The following PLIN5 variants were observed in gnomAD, a reference collection of about 807,000 sequenced individuals.
PLIN5 encodes the protein perilipin-5.
PLIN5 carries 34 observed loss-of-function variants against 32.8 expected under a neutral mutation model. That is an observed-to-expected ratio of 1.04 (90% confidence interval 0.79 to 1.38). The LOEUF (loss-of-function observed/expected upper bound fraction) is 1.38. Among genes scored for constraint, PLIN5 ranks in the 40% most tolerant of loss-of-function variants. The pLI, the probability that PLIN5 is intolerant of heterozygous loss-of-function variation, is 0.00. For missense variants in PLIN5, 712 were observed against 660.5 expected (o/e 1.08, Z -0.85); for synonymous variants, 309 against 292.9 (o/e 1.05, Z -0.56).
In PLIN5 at chr19:4,533,851, C is replaced by T. The variant is rs561315856; in HGVS notation, c.60+164G>A. The T allele has an allele frequency of 6.2e-4, 468 of 758,632 alleles. 4 individuals are homozygous for T. In the South Asian group the frequency reaches 8.2e-3, roughly 13 times the overall value. 47.0% of individuals were successfully genotyped at this position (758,632 alleles called of 1,614,324 possible). A position where few individuals can be genotyped will look rare whatever the true frequency, so the allele number is the denominator to read the frequency against. On this transcript the variant is annotated intron_variant, in intron 2 of 7. Coordinates refer to ENST00000381848, the MANE Select transcript of PLIN5 (RefSeq NM_001013706.3). ...CCCTCCCAGGGCCTCATTAAGCCCC[C>T]ACTAGGAAATAGACCATCCCCTCCA...
At chr19:4,526,788 T>C (rs541607662) in intron 5 of PLIN5, among the ~76,000 whole-genome samples, 80 of 151,148 alleles carry the variant, frequency 5.3e-4, no homozygotes, top group Non-Finnish European at 7.6e-4. Context: ...AGCTCAGGAA[T>C]TGAAGGCTAT....
In PLIN5 at chr19:4,534,103, G is replaced by A. The variant is rs368222805; in HGVS notation, c.-21-8C>T. ...GCTGCAAACAGGGTCACCCTGCGGG[G>A]CAGGATTGAGTAAGGGGAGCACCTG... On this transcript the variant is annotated splice_polypyrimidine_tract_variant and splice_region_variant and intron_variant, in intron 1 of 7. Coordinates refer to ENST00000381848, the MANE Select transcript of PLIN5 (RefSeq NM_001013706.3). 7.9e-5 allele frequency: 126 copies of A among 1,602,342 alleles called. No individual in the cohort carries two copies. The highest frequency in any genetic ancestry group is 9.4e-5 in the Non-Finnish European group (111 of 1,174,794).
chr19:4,532,630 G>A (rs567962305), intron 2 of PLIN5: 9 of 152,302 alleles, frequency 5.9e-5, no homozygotes, highest in African/African-American at 2.2e-4. Flanking sequence ...GCCTCCCAAA[G>A]TGCTAGGATT....
chr19:4,524,067 C>A lies in PLIN5; in HGVS notation c.853G>T (p.Val285Leu). ...RRSQAELETL[V>L]LSRSLTQELQ... ...TCCTGGGTCAGGCTGCGGGACAGCA[C>A]CAGCGTCTCCAGCTCTGCCTGCAGG... The change falls in exon 8 of 8, where the codon GTG (valine) becomes TTG (leucine). Residue 285 changes from valine to leucine, a missense_variant. Transcript: ENST00000381848. 7.0e-7 allele frequency: 1 copy of A among 1,438,372 alleles called. No homozygotes were observed. 89.1% of individuals were successfully genotyped at this position (1,438,372 alleles called of 1,614,324 possible).
chr19:4,529,008 T>TCAGGGGATCAGATCCC, intron 5 of PLIN5, 65 bp downstream of exon 5: 1 of 1,533,002 alleles, frequency 6.5e-7, no homozygotes. Context: ...ACCTCTCTGA[T>TCAGGGGATCAGATCCC]CTGTACCACA....
chr19:4,527,941 G>A (rs953825122), intron 5 of PLIN5, among the ~76,000 whole-genome samples: 19 of 148,948 alleles, frequency 1.3e-4, no homozygotes, highest in East Asian at 9.8e-4. Context: ...ATAGAGTCTC[G>A]CTCTGTCACC....
rs1976780690 is a variant in PLIN5 at position 4,524,953 on chromosome 19, G to A, written c.834+10C>T. ...AGACACCACCTCACCTGGCACTCCT[G>A]CGGTCTCACCTGGCTCCGGCGGCGG... is the stretch of plus-strand genomic sequence containing the variant. On this transcript the variant is annotated intron_variant, in intron 7 of 7. Transcript: ENST00000381848. The A allele has an allele frequency of 1.4e-5, 21 of 1,529,718 alleles. No homozygotes were observed. Among genetic ancestry groups the A allele is most frequent in the Non-Finnish European group, 1.8e-5 (21 of 1,138,244 alleles). The allele number at this position is 1,529,718 out of a possible 1,614,324, so 94.8% of individuals were successfully genotyped here.
chr19:4,523,582 G>T lies in PLIN5; in HGVS notation c.1338C>A (p.Pro446=), dbSNP rs995117985. The T allele has an allele frequency of 6.2e-7, 1 of 1,602,444 alleles. No individual in the cohort carries two copies. The highest frequency in any genetic ancestry group is 8.5e-7 in the Non-Finnish European group (1 of 1,174,396). The change falls in exon 8 of 8, where the codon CCC becomes CCA. Residue 446 remains proline (P), a synonymous_variant. Transcript: ENST00000381848. The surrounding 1 kb of genome is among the most constrained non-coding windows in gnomAD (Gnocchi z 5.0). ...GVAGDICEQE[P]ETPSCPVKHT... ...GCTTGACCGGGCAGCTGGGGGTCTC[G>T]GGTTCCTGCTCGCAGATGTCCCCGG...
At chr19:4,533,727 G>A (rs1433239400) in intron 2 of PLIN5, 3 of 516,186 alleles carry the variant, frequency 5.8e-6, no homozygotes, top group Non-Finnish European at 1.0e-5. Flanking sequence ...TGGTGGACGT[G>A]GAGACAGAAG....
At chr19:4,529,288 G>A (rs1976848520) in intron 4 of PLIN5, 35 bp from the exon 5 acceptor site, 1 of 1,556,092 alleles carries the variant, frequency 6.4e-7, no homozygotes, top group South Asian at 1.2e-5. Flanking sequence ...CAGGCACCGT[G>A]GGACTCCAGC....
At chr19:4,526,016 G>T (rs1347983938) in intron 5 of PLIN5, among the ~76,000 whole-genome samples, 184 bp from the exon 6 acceptor site, 1 of 152,030 alleles carries the variant, frequency 6.6e-6, no homozygotes, top group Non-Finnish European at 1.5e-5. Context: ...CCCACCTCTG[G>T]GTACAGAAGC....
chr19:4,524,340 T>C (rs1449016079), intron 7 of PLIN5, among the ~76,000 whole-genome samples: 1 of 152,050 alleles, frequency 6.6e-6, no homozygotes, highest in African/African-American at 2.4e-5. Flanking sequence ...TCACCTGAGG[T>C]GCGGAGTTCA....
chr19:4,535,064 TAC>T (rs1349160021), intron 1 of PLIN5, 99 bp downstream of exon 1: 1 of 152,506 alleles, frequency 6.6e-6, no homozygotes, highest in African/African-American at 2.4e-5. Flanking sequence ...TGGCCGGTCA[TAC>T]CCGTCCCACG....
At chr19:4,529,469 C>CATATACATAT in intron 4 of PLIN5, 1 of 574,234 alleles carries the variant, frequency 1.7e-6, no homozygotes. Flanking sequence ...TACACACATA[C>CATATACATAT]ATATACATAT....
Position 4,525,872 on chromosome 19 carries a change from CGGGGACAGCACGGGGACAGGAT to C in PLIN5, c.521-62_521-41del. ...ACGGGGACAGCACGGGGACAGGATACGGGGACAGCACGGGGACAGGATACGGGGACAGCACGGGGACAGGATA... is the reference window on the plus strand; with the variant it reads ...ACGGGGACAGCACGGGGACAGGATACACGGGGACAGCACGGGGACAGGATA... On this transcript the variant is annotated intron_variant, in intron 5 of 7. Coordinates refer to ENST00000381848, the MANE Select transcript of PLIN5 (RefSeq NM_001013706.3). The surrounding 1 kb of genome is among the most constrained non-coding windows in gnomAD (Gnocchi z 5.6). The C allele has an allele frequency of 7.8e-7, 1 of 1,274,752 alleles. No homozygotes were observed. Among genetic ancestry groups the C allele is most frequent in the African/African-American group, 2.5e-5 (1 of 39,248 alleles). 79.0% of individuals were successfully genotyped at this position (1,274,752 alleles called of 1,614,324 possible).
rs56850019 is a variant in PLIN5 at position 4,529,610 on chromosome 19, T to TACACACACACACAC, written c.339+160_339+173dup. On this transcript the variant is annotated intron_variant, in intron 4 of 7. Transcript: ENST00000381848. ...CACTATACGTATATACATATATGTATACACACACACACACACACACACACA... is the reference window on the plus strand; with the variant it reads ...CACTATACGTATATACATATATGTATACACACACACACACACACACACACACACACACACACACA... The TACACACACACACAC allele has an allele frequency of 4.2e-3, 1,825 of 432,312 alleles. 12 individuals are homozygous for TACACACACACACAC. Among genetic ancestry groups the TACACACACACACAC allele is most frequent in the Non-Finnish European group, 5.4e-3 (1,271 of 234,886 alleles). The allele number at this position is 432,312 out of a possible 1,614,324, so 26.8% of individuals were successfully genotyped here.
intron 5 of PLIN5, among the ~76,000 whole-genome samples, chr19:4,526,331 C>T (rs1361858472): frequency 6.6e-6 from 1 of 152,128 alleles, no homozygotes; most frequent in Non-Finnish European, 1.5e-5. Flanking sequence ...AAGCGATTCT[C>T]CTGCCTCAGC....
At chr19:4,531,203 G>A (rs765833156) in intron 3 of PLIN5, among the ~76,000 whole-genome samples, 10 of 151,190 alleles carry the variant, frequency 6.6e-5, no homozygotes, top group Non-Finnish European at 1.3e-4. Context: ...GTTTCACTAT[G>A]TTGTCCAGGC....
chr19:4,524,954 C>A lies in PLIN5; in HGVS notation c.834+9G>T, dbSNP rs370537029. The A allele has an allele frequency of 1.3e-6, 2 of 1,529,472 alleles. No homozygotes were observed. Among genetic ancestry groups the A allele is most frequent in the Non-Finnish European group, 1.8e-6 (2 of 1,138,034 alleles). The allele number at this position is 1,529,472 out of a possible 1,614,324, so 94.7% of individuals were successfully genotyped here. A position where few individuals can be genotyped will look rare whatever the true frequency, so the allele number is the denominator to read the frequency against. ...GACACCACCTCACCTGGCACTCCTG[C>A]GGTCTCACCTGGCTCCGGCGGCGGC... is the stretch of plus-strand genomic sequence containing the variant. On this transcript the variant is annotated intron_variant, in intron 7 of 7. Coordinates refer to ENST00000381848, the MANE Select transcript of PLIN5 (RefSeq NM_001013706.3).
Sources: allele counts gnomAD v4.1 joint callset (sites outside exome capture counted in the v4.1 genomes callset), GRCh38; gene constraint gnomAD v4.1.1; non-coding constraint Gnocchi (gnomAD v3.1); transcripts MANE v1.5; gene names NCBI Gene and HGNC (gene_info 2026-07-23, HGNC 2026-07-21).